Variants in MTHFD1 observed in about 807,000 individuals in gnomAD.
MTHFD1 encodes the protein C-1-tetrahydrofolate synthase, cytoplasmic.
Under a neutral mutation model 110.3 loss-of-function variants are expected in MTHFD1, and 44 were observed. That is an observed-to-expected ratio of 0.40 (90% CI 0.31 to 0.51). The LOEUF is 0.51. Among genes scored for constraint, MTHFD1 ranks in the 20% least tolerant of loss-of-function variants. The pLI is 0.60. For missense variants in MTHFD1, 909 were observed against 1,173.1 expected, an observed-to-expected ratio of 0.77 and a Z score of 3.29; for synonymous variants, 402 against 428.8, an observed-to-expected ratio of 0.94 and a Z score of 0.77.
intron 23 of MTHFD1, 70 bp from the exon 24 acceptor site, chr14:64,449,375 T>C: frequency 6.4e-7 from 1 of 1,563,712 alleles, no homozygotes; most frequent in Non-Finnish European, 8.8e-7. Context: ...TGAGGTTTAA[T>C]GGCAAAAAGA....
At chr14:64,435,440 T>C (rs2078198775) in intron 15 of MTHFD1, 129 bp from the exon 16 acceptor site, 1 of 711,614 alleles carries the variant, frequency 1.4e-6, no homozygotes, top group Non-Finnish European at 2.6e-6. Flanking sequence ...CAGTTTTTCC[T>C]TCTGAATTTA....
intron 1 of MTHFD1, among the ~76,000 whole-genome samples, chr14:64,399,488 A>G (rs1215798591): frequency 7.9e-5 from 12 of 151,928 alleles, no homozygotes; most frequent in Admixed American, 7.9e-4. Context: ...GTGAAACCCC[A>G]TCTCTACTAA....
Position 64,442,034 on chromosome 14 carries a change from C to T in MTHFD1, c.1885-20C>T, listed in dbSNP as rs188584698. The T allele has an allele frequency of 7.4e-4, 1,146 of 1,551,748 alleles. 9 individuals carry two copies. In the African/African-American group the frequency reaches 0.012, roughly 16 times the overall value. On this transcript the variant is annotated intron_variant, in intron 19 of 27. Coordinates refer to ENST00000652337, the MANE Select transcript of MTHFD1 (RefSeq NM_005956.4). ...GAAGCAGGATTGGCAGCTCAGCTCA[C>T]GGTGTCCTGGTTTCCACAGGGCACT...
chr14:64,454,546 C>CTT (rs59626407), intron 25 of MTHFD1, among the ~76,000 whole-genome samples, 177 bp from the exon 26 acceptor site: 19 of 133,460 alleles, frequency 1.4e-4, no homozygotes, highest in South Asian at 7.2e-4. Context: ...CCCAACAGTT[C>CTT]TTTTTTTTTT....
chr14:64,444,310 G>A (rs1040540394), intron 21 of MTHFD1, among the ~76,000 whole-genome samples: 1 of 152,010 alleles, frequency 6.6e-6, no homozygotes, highest in Non-Finnish European at 1.5e-5. Context: ...TCTATCGACA[G>A]ACATCCCAGG....
intron 7 of MTHFD1, 69 bp downstream of exon 7, chr14:64,418,093 C>G: frequency 1.9e-6 from 3 of 1,566,286 alleles, no homozygotes; most frequent in Non-Finnish European, 2.6e-6. Context: ...GCTGCCATGT[C>G]CTTTACACTC....
rs116012134 is a variant in MTHFD1 at position 64,427,816 on chromosome 14, A to G, written c.1264+343A>G. ...CACTCTAGAGACAATGACAAACCCC[A>G]CAGATGTTTCACCTTGTTGGGAATA... On this transcript the variant is annotated intron_variant, in intron 12 of 27. Transcript: ENST00000652337. 8.4e-3 allele frequency among the ~76,000 whole-genome samples: 1,280 copies of G among 152,316 alleles called. 18 individuals carry two copies. The highest frequency in any genetic ancestry group is 0.029 in the African/African-American group (1,215 of 41,570).
At chr14:64,442,632 G>A (rs1364590467) in intron 21 of MTHFD1, among the ~76,000 whole-genome samples, 3 of 152,122 alleles carry the variant, frequency 2.0e-5, no homozygotes, top group Admixed American at 6.5e-5. Flanking sequence ...CCTACCTTTC[G>A]GAGGACATCT....
chr14:64,409,886 A>G (rs1489119082), intron 2 of MTHFD1, among the ~76,000 whole-genome samples: 2 of 152,130 alleles, frequency 1.3e-5, no homozygotes, highest in African/African-American at 4.8e-5. Context: ...ATCCTGTGTT[A>G]CAAAAGCCGG....
At chr14:64,458,412 A>G in intron 27 of MTHFD1, 105 bp downstream of exon 27, 1 of 829,318 alleles carries the variant, frequency 1.2e-6, no homozygotes, top group Admixed American at 1.8e-5. Flanking sequence ...TAATGCTTTC[A>G]AAACATTTCT....
At chr14:64,414,070 C>T (rs1047707395) in intron 4 of MTHFD1, among the ~76,000 whole-genome samples, 2 of 152,128 alleles carry the variant, frequency 1.3e-5, no homozygotes, top group Admixed American at 6.6e-5. Flanking sequence ...TATTGGCTCA[C>T]TGCAACCTCC....
chr14:64,401,994 G>T (rs2077901551), intron 2 of MTHFD1, among the ~76,000 whole-genome samples: 1 of 152,152 alleles, frequency 6.6e-6, no homozygotes, highest in African/African-American at 2.4e-5. Flanking sequence ...CAGATGTGTA[G>T]CTATAAAAGG....
chr14:64,413,113 AG>A (rs1389410217), intron 4 of MTHFD1, among the ~76,000 whole-genome samples: 1 of 151,216 alleles, frequency 6.6e-6, no homozygotes. Context: ...GCATTTTGGG[AG>A]GCCGAGGTGG....
chr14:64,426,334 C>G, intron 11 of MTHFD1, 142 bp downstream of exon 11: 3 of 945,810 alleles, frequency 3.2e-6, no homozygotes, highest in Non-Finnish European at 4.9e-6. Flanking sequence ...TCATTTGATC[C>G]TTACAGCAAT....
At chr14:64,436,526 CACA>C (rs1019753996) in intron 16 of MTHFD1, among the ~76,000 whole-genome samples, 9 of 152,204 alleles carry the variant, frequency 5.9e-5, no homozygotes, top group Non-Finnish European at 1.3e-4. Context: ...TTTCTCAATG[CACA>C]ACTAGTGTAG....
intron 8 of MTHFD1, 134 bp downstream of exon 8, chr14:64,420,059 G>A: frequency 1.3e-6 from 1 of 742,202 alleles, no homozygotes; most frequent in Non-Finnish European, 2.4e-6. Flanking sequence ...ACTAGCCCAA[G>A]GGTGCACAGA....
At chr14:64,431,134 G>T (rs942589072) in intron 13 of MTHFD1, among the ~76,000 whole-genome samples, 15 of 149,694 alleles carry the variant, frequency 1.0e-4, no homozygotes, top group Non-Finnish European at 1.6e-4. Context: ...GAGTGTAGTG[G>T]TGTGATCTTG....
chr14:64,450,866 C>G (rs1425273739), intron 24 of MTHFD1, among the ~76,000 whole-genome samples: 2 of 152,034 alleles, frequency 1.3e-5, no homozygotes, highest in Non-Finnish European at 2.9e-5. Flanking sequence ...TACTACCAAG[C>G]CTGGCTAATT....
At chr14:64,434,631 TCTC>T (rs1222845450) in intron 15 of MTHFD1, among the ~76,000 whole-genome samples, 1 of 152,144 alleles carries the variant, frequency 6.6e-6, no homozygotes, top group Admixed American at 6.6e-5. Context: ...CCTTCACACA[TCTC>T]CTGCTTTGCA....
Sources: gnomAD v4.1 joint callset for allele counts (sites outside exome capture counted in the v4.1 genomes callset) on GRCh38, gnomAD v4.1.1 for gene constraint, MANE v1.5 for transcripts, NCBI Gene and HGNC (gene_info 2026-07-23, HGNC 2026-07-21) for gene names.